Variants in NKTR observed in about 807,000 individuals in gnomAD.
NKTR encodes the protein NK-tumor recognition protein.
In NKTR, 67 loss-of-function variants were observed where a neutral mutation model predicts 156.3. The ratio of observed to expected loss-of-function variants is 0.43; its 90% CI spans 0.35 to 0.53. The LOEUF (loss-of-function observed/expected upper bound fraction) is 0.53, where lower values mean the gene tolerates loss of function less well. Ranked by LOEUF, NKTR falls within the 20% of genes least tolerant of loss-of-function variation. The pLI is 0.01. For missense variants in NKTR, 1,604 were observed against 1,730.9 expected, an observed-to-expected ratio of 0.93 and a Z score of 1.30; for synonymous variants, 640 against 596.6, an observed-to-expected ratio of 1.07 and a Z score of -1.06.
chr3:42,636,889 C>T lies in NKTR; in HGVS notation c.1185C>T (p.Ser395=). ...ATAGGTTAAGTGACCCCTGTTCAAG[C>T]CGATGGGATGAAAGAAGCTTGTCTC... ...KGDKLSDPCS[S]RWDERSLSQR... The change falls in exon 13 of 17, where the codon AGC becomes AGT. Residue 395 remains serine (S), a synonymous_variant. Coordinates refer to ENST00000232978, the MANE Select transcript of NKTR (RefSeq NM_005385.4). The T allele has an allele frequency of 1.3e-6, 2 of 1,571,982 alleles. No individual in the cohort carries two copies. The highest frequency in any genetic ancestry group is 1.7e-6 in the Non-Finnish European group (2 of 1,166,716).
chr3:42,626,585 T>C (rs912791998), intron 6 of NKTR, among the ~76,000 whole-genome samples: 20 of 152,168 alleles, frequency 1.3e-4, no homozygotes, highest in Non-Finnish European at 2.8e-4. Context: ...TTAACTTCAA[T>C]GTGTATCTAA....
chr3:42,632,533 C>G (rs1577538204), intron 8 of NKTR, 68 bp from the exon 9 acceptor site: 4 of 893,708 alleles, frequency 4.5e-6, no homozygotes, highest in Non-Finnish European at 6.8e-6. Context: ...ATTCAGTAAT[C>G]ACATTTTTTA....
intron 2 of NKTR, among the ~76,000 whole-genome samples, chr3:42,615,082 C>CTTTT (rs11409067): frequency 7.0e-6 from 1 of 143,418 alleles, no homozygotes; most frequent in Non-Finnish European, 1.5e-5. Flanking sequence ...TTTGTTTTTT[C>CTTTT]TTTTTTTTTT....
intron 6 of NKTR, chr3:42,629,928 A>G (rs1708739491): frequency 2.0e-6 from 2 of 985,458 alleles, no homozygotes; most frequent in African/African-American, 3.5e-5. Context: ...GTCAGAAGGG[A>G]TGGCAGATTG....
Position 42,647,375 on chromosome 3 carries a change from A to G in NKTR, c.*1400A>G, listed in dbSNP as rs1229801764. 3 of 150,412 alleles carry G rather than the reference A, an allele frequency of 2.0e-5. No individual in the cohort carries two copies. The highest frequency in any genetic ancestry group is 4.4e-5 in the Non-Finnish European group (3 of 67,852). The allele number at this position is 150,412 out of a possible 1,614,324, so 9.3% of individuals were successfully genotyped here. ...AATCACCTTAGTGCCAGTTTAATCC[A>G]GTTATGCAGAAGAAATTCATATTGG... On this transcript the variant is annotated 3_prime_UTR_variant, in exon 17 of 17. Coordinates refer to ENST00000232978, the MANE Select transcript of NKTR (RefSeq NM_005385.4).
intron 6 of NKTR, chr3:42,627,208 T>C: frequency 1.0e-6 from 1 of 984,828 alleles, no homozygotes; most frequent in Non-Finnish European, 1.2e-6. Flanking sequence ...AGAAAGAGTG[T>C]TACACCGTGC....
intron 2 of NKTR, chr3:42,601,794 T>C (rs936405095): frequency 5.9e-5 from 9 of 152,234 alleles, no homozygotes; most frequent in Admixed American, 2.6e-4. Flanking sequence ...GAGACATATA[T>C]ATATGTGTTG....
intron 2 of NKTR, among the ~76,000 whole-genome samples, chr3:42,609,481 T>C (rs1451297000): frequency 6.6e-6 from 1 of 152,228 alleles, no homozygotes; most frequent in Non-Finnish European, 1.5e-5. Flanking sequence ...GGGATAAATA[T>C]GGCAAAACAT....
intron 1 of NKTR, 59 bp from the exon 2 acceptor site, chr3:42,600,925 C>G: frequency 1.8e-6 from 2 of 1,119,290 alleles, no homozygotes; most frequent in South Asian, 1.7e-5. Context: ...CGCCCTCGCC[C>G]CTGCCCTCGC....
At chr3:42,641,622 G>A (rs1237173030) in intron 13 of NKTR, among the ~76,000 whole-genome samples, 1 of 152,306 alleles carries the variant, frequency 6.6e-6, no homozygotes, top group East Asian at 1.9e-4. Context: ...GCTCACACCT[G>A]TAATCCCAGT....
intron 6 of NKTR, chr3:42,627,256 C>G: frequency 2.0e-6 from 2 of 985,380 alleles, no homozygotes; most frequent in East Asian, 1.1e-4. Flanking sequence ...AAGGCTCTCT[C>G]TCTCTTTGCC....
chr3:42,633,614 T>G lies in NKTR; in HGVS notation c.808T>G (p.Ser270Ala), dbSNP rs768350732. The G allele has an allele frequency of 6.2e-7, 1 of 1,614,100 alleles. No homozygotes were observed. Among genetic ancestry groups the G allele is most frequent in the Non-Finnish European group, 8.5e-7 (1 of 1,179,988 alleles). Reference protein sequence around the residue: ...SERSDTNEKRSVDSSAKREKP... With the variant: ...SERSDTNEKRAVDSSAKREKP... Reference sequence around the variant, plus strand: ...GAGGAGTGATACCAATGAAAAAAGGTCAGTTGATTCCAGTGCTAAAAGGGA... The same window carrying G: ...GAGGAGTGATACCAATGAAAAAAGGGCAGTTGATTCCAGTGCTAAAAGGGA... The change falls in exon 10 of 17, where the codon TCA becomes GCA. Residue 270 changes from serine (S) to alanine (A), a missense_variant. Physicochemically the swap from Ser to Ala is moderately conservative, Grantham distance 99. Coordinates refer to ENST00000232978, the MANE Select transcript of NKTR (RefSeq NM_005385.4).
chr3:42,644,912 T>G (rs956898608), intron 16 of NKTR, among the ~76,000 whole-genome samples: 1 of 152,184 alleles, frequency 6.6e-6, no homozygotes, highest in Non-Finnish European at 1.5e-5. Context: ...GCTCCTAAAT[T>G]ACTTGTCTTG....
At chr3:42,612,693 A>G (rs914185245) in intron 2 of NKTR, among the ~76,000 whole-genome samples, 1 of 152,188 alleles carries the variant, frequency 6.6e-6, no homozygotes, top group African/African-American at 2.4e-5. Context: ...TGCTAGGTAT[A>G]GAATTCTTGT....
chr3:42,623,106 T>C (rs574197692), intron 6 of NKTR, among the ~76,000 whole-genome samples: 1 of 152,170 alleles, frequency 6.6e-6, no homozygotes, highest in African/African-American at 2.4e-5. Flanking sequence ...AAACATCTTA[T>C]TTTTATTTTA....
intron 10 of NKTR, among the ~76,000 whole-genome samples, 169 bp from the exon 11 acceptor site, chr3:42,634,441 TATC>T (rs1185162582): frequency 1.3e-5 from 2 of 152,232 alleles, no homozygotes; most frequent in Non-Finnish European, 2.9e-5. Context: ...TGCATAAAGT[TATC>T]ATTTAGTTCA....
chr3:42,603,822 G>A (rs750483702), intron 2 of NKTR, among the ~76,000 whole-genome samples: 5 of 143,948 alleles, frequency 3.5e-5, no homozygotes, highest in Admixed American at 7.3e-5. Flanking sequence ...TGCAACCTCC[G>A]CCTCCCAGGT....
intron 2 of NKTR, among the ~76,000 whole-genome samples, chr3:42,604,195 G>C (rs960813813): frequency 6.6e-6 from 1 of 151,902 alleles, no homozygotes; most frequent in African/African-American, 2.4e-5. Context: ...TTTTTCCTTT[G>C]TCAGTCTGAC....
chr3:42,616,721 C>A (rs1260165142), intron 2 of NKTR, among the ~76,000 whole-genome samples: 1 of 152,132 alleles, frequency 6.6e-6, no homozygotes, highest in Non-Finnish European at 1.5e-5. Context: ...ATAACCTCTT[C>A]TCTTTCTGCT....
Sources: allele counts gnomAD v4.1 joint callset (sites outside exome capture counted in the v4.1 genomes callset), GRCh38; gene constraint gnomAD v4.1.1; transcripts MANE v1.5; gene names NCBI Gene and HGNC (gene_info 2026-07-23, HGNC 2026-07-21).